The following ONECUT3 variants were observed in gnomAD, a reference collection of about 807,000 sequenced individuals.
ONECUT3 encodes the protein one cut homeobox 3.
A neutral mutation model predicts 16.8 loss-of-function variants in ONECUT3; 11 were observed. The ratio of observed to expected loss-of-function variants is 0.66; its 90% CI spans 0.41 to 1.09. The LOEUF (loss-of-function observed/expected upper bound fraction) is 1.09, where lower values mean the gene tolerates loss of function less well. ONECUT3 is among the 50% of genes least tolerant of loss of function. The probability of loss-of-function intolerance (pLI) is 0.00; values close to 1 mark genes in which losing one functional copy is unlikely to be tolerated. For synonymous variants in ONECUT3, 344 were observed against 310.7 expected, an observed-to-expected ratio of 1.11 and a Z score of -1.13; for missense variants, 637 against 629.9, an observed-to-expected ratio of 1.01 and a Z score of -0.12.
Position 1,775,415 on chromosome 19 carries a change from C to A in ONECUT3, c.1455C>A (p.Ala485=), listed in dbSNP as rs780064574. Residue 485 remains alanine (A), a synonymous_variant, in exon 2 of 2, where the codon GCC becomes GCA. Transcript: ENST00000382349. ...CCAGCACGGCCCCCGGGGGCCCCGC[C>A]GGCGCCACGGCCACTTTCTCCAAGG... ...EEPSTAPGGP[A]GATATFSKA The A allele has an allele frequency of 7.2e-6, 11 of 1,527,076 alleles. No individual in the cohort carries two copies. Among genetic ancestry groups the A allele is most frequent in the Non-Finnish European group, 9.7e-6 (11 of 1,138,914 alleles). 94.6% of individuals were successfully genotyped at this position (1,527,076 alleles called of 1,614,324 possible). A position where few individuals can be genotyped will look rare whatever the true frequency, so the allele number is the denominator to read the frequency against.
intron 1 of ONECUT3, among the ~76,000 whole-genome samples, chr19:1,774,396 C>A (rs570974041): frequency 2.7e-5 from 4 of 145,634 alleles, no homozygotes; most frequent in Non-Finnish European, 4.5e-5. Context: ...GCCTGGGCAA[C>A]ATAGCAAGAC....
rs2068134193 is a variant in ONECUT3 at position 1,778,913 on chromosome 19, C to CACACACACACACACACACA, written c.*3468_*3469insACACACACACACACACACA. 1 of 149,208 alleles carries CACACACACACACACACACA rather than the reference C, an allele frequency of 6.7e-6. No individual in the cohort carries two copies. Among genetic ancestry groups the CACACACACACACACACACA allele is most frequent in the African/African-American group, 2.5e-5 (1 of 39,676 alleles). The allele number at this position is 149,208 out of a possible 1,614,324, so 9.2% of individuals were successfully genotyped here. A position where few individuals can be genotyped will look rare whatever the true frequency, so the allele number is the denominator to read the frequency against. On this transcript the variant is annotated 3_prime_UTR_variant, in exon 2 of 2. Transcript: ENST00000382349. ...ACACACACACACACACACACACACA[C>CACACACACACACACACACA]CCCTACCTGTTTCCGGACCCCACCC...
Position 1,754,890 on chromosome 19 carries a change from C to A in ONECUT3, c.1192+36C>A, listed in dbSNP as rs910639360. 4 of 1,360,602 alleles carry A rather than the reference C, an allele frequency of 2.9e-6. No homozygotes were observed. In the African/African-American group the frequency reaches 6.0e-5, roughly 21 times the overall value. 84.3% of individuals were successfully genotyped at this position (1,360,602 alleles called of 1,614,324 possible). ...GGCGCGCAGGGCCAGACCCTGGGGG[C>A]GCCGGCTCTGGACTCCCGAGCACCT... is the stretch of plus-strand genomic sequence containing the variant. On this transcript the variant is annotated intron_variant, in intron 1 of 1. Transcript: ENST00000382349. This position sits in a 1 kb window ranked among gnomAD's most constrained non-coding sequence, Gnocchi z 7.4.
chr19:1,755,368 C>G lies in ONECUT3; in HGVS notation c.1192+514C>G, dbSNP rs1026603965. ...GCGGCGGGCGCCTGCAGCTCAGCAG[C>G]AGAGGCCGAGCCCGCGCTCATCCCC... is the stretch of plus-strand genomic sequence containing the variant. On this transcript the variant is annotated intron_variant, in intron 1 of 1. Transcript: ENST00000382349. The surrounding 1 kb of genome is among the most constrained non-coding windows in gnomAD (Gnocchi z 7.5). Among the ~76,000 whole-genome samples the G allele has an allele frequency of 1.3e-5, 2 of 152,102 alleles. No individual in the cohort carries two copies. The highest frequency in any genetic ancestry group is 6.5e-5 in the Admixed American group (1 of 15,286).
chr19:1,780,418 G>A lies in ONECUT3; in HGVS notation c.*4973G>A, dbSNP rs1008880632. The A allele has an allele frequency of 1.3e-5, 2 of 152,300 alleles. No homozygotes were observed. The highest frequency in any genetic ancestry group is 2.9e-5 in the Non-Finnish European group (2 of 68,108). 9.4% of individuals were successfully genotyped at this position (152,300 alleles called of 1,614,324 possible). ...CACGTCCCTGAGCCATCCCCAGATA[G>A]TCCCTGGAGGTGGAAAGGGGCACAG... On this transcript the variant is annotated 3_prime_UTR_variant, in exon 2 of 2. Coordinates refer to ENST00000382349, the MANE Select transcript of ONECUT3 (RefSeq NM_001080488.2).
In ONECUT3 at chr19:1,777,602, G is replaced by A. The variant is rs2068122154; in HGVS notation, c.*2157G>A. 1 of 152,176 alleles carries A rather than the reference G, an allele frequency of 6.6e-6. No homozygotes were observed. The highest frequency in any genetic ancestry group is 2.1e-4 in the South Asian group (1 of 4,830). The allele number at this position is 152,176 out of a possible 1,614,324, so 9.4% of individuals were successfully genotyped here. On this transcript the variant is annotated 3_prime_UTR_variant, in exon 2 of 2. Coordinates refer to ENST00000382349, the MANE Select transcript of ONECUT3 (RefSeq NM_001080488.2). Reference sequence around the variant, plus strand: ...CTCCCGTCCCCACCCCTAAATTCCTGATGGATGAACCTAGAGCTGTCCTGT... The same window carrying A: ...CTCCCGTCCCCACCCCTAAATTCCTAATGGATGAACCTAGAGCTGTCCTGT...
rs1279652319 is a variant in ONECUT3, at chr19:1,754,945, G to A, written c.1192+91G>A. On this transcript the variant is annotated intron_variant, in intron 1 of 1. Coordinates refer to ENST00000382349, the MANE Select transcript of ONECUT3 (RefSeq NM_001080488.2). The surrounding 1 kb of genome is among the most constrained non-coding windows in gnomAD (Gnocchi z 7.4). Reference sequence around the variant, plus strand: ...GGGCGGCGGCCGATGCCCGGGGCCAGCGCCCCAAGCCCCGCCCGTGCGCCC... The same window carrying A: ...GGGCGGCGGCCGATGCCCGGGGCCAACGCCCCAAGCCCCGCCCGTGCGCCC... 7.8e-7 allele frequency: 1 copy of A among 1,281,798 alleles called. No individual in the cohort carries two copies. Among genetic ancestry groups the A allele is most frequent in the South Asian group, 2.3e-5 (1 of 43,678 alleles). 79.4% of individuals were successfully genotyped at this position (1,281,798 alleles called of 1,614,324 possible).
In ONECUT3 at chr19:1,778,966, C is replaced by A; in HGVS notation, c.*3521C>A. The A allele has an allele frequency of 6.6e-6, 1 of 152,384 alleles. No homozygotes were observed. The highest frequency in any genetic ancestry group is 1.5e-5 in the Non-Finnish European group (1 of 68,462). The allele number at this position is 152,384 out of a possible 1,614,324, so 9.4% of individuals were successfully genotyped here. A position where few individuals can be genotyped will look rare whatever the true frequency, so the allele number is the denominator to read the frequency against. The stretch of plus-strand genomic sequence containing the variant: ...AACTTGGCCAGACCCCCACAGAAGG[C>A]TCTATCCCCGACCTGCCCGCCGGCC... On this transcript the variant is annotated 3_prime_UTR_variant, in exon 2 of 2. Coordinates refer to ENST00000382349, the MANE Select transcript of ONECUT3 (RefSeq NM_001080488.2).
chr19:1,769,650 T>C (rs10409901), intron 1 of ONECUT3, among the ~76,000 whole-genome samples: 48,414 of 150,642 alleles, frequency 0.32, 9,351 homozygotes, highest in African/African-American at 0.54. Flanking sequence ...GGGTAGGGGA[T>C]GCACAGAGGG....
intron 1 of ONECUT3, among the ~76,000 whole-genome samples, chr19:1,768,900 A>T (rs866740664): frequency 3.7e-5 from 4 of 107,488 alleles, no homozygotes; most frequent in Admixed American, 8.8e-5. Context: ...GTGGAGGTGG[A>T]GGTGGTGGAG....
intron 1 of ONECUT3, among the ~76,000 whole-genome samples, chr19:1,773,867 G>T (rs536950496): frequency 6.6e-6 from 1 of 152,302 alleles, no homozygotes; most frequent in East Asian, 1.9e-4. Context: ...TGAGGGGAGG[G>T]GTTCACTTCG....
In ONECUT3 at chr19:1,753,839, C is replaced by A. The variant is rs2067901313; in HGVS notation, c.177C>A (p.Gly59=). The change falls in exon 1 of 2, where the codon GGC becomes GGA. Residue 59 remains glycine, a synonymous_variant. Coordinates refer to ENST00000382349, the MANE Select transcript of ONECUT3 (RefSeq NM_001080488.2). The part of the protein sequence containing the change: ...GMASLLDGGG[G]GGGGGAGGAG... ...CGAGCCTGCTGGACGGCGGCGGCGG[C>A]GGCGGCGGTGGGGGCGCCGGGGGCG... The A allele has an allele frequency of 2.1e-6, 2 of 968,770 alleles. No homozygotes were observed. The highest frequency in any genetic ancestry group is 2.4e-6 in the Non-Finnish European group (2 of 818,498). The allele number at this position is 968,770 out of a possible 1,614,324, so 60.0% of individuals were successfully genotyped here.
intron 1 of ONECUT3, among the ~76,000 whole-genome samples, chr19:1,769,097 G>C (rs368488789): frequency 6.7e-6 from 1 of 150,132 alleles, no homozygotes; most frequent in African/African-American, 2.5e-5. Flanking sequence ...GGAGGTGATG[G>C]AGGAGGAGAT....
At chr19:1,775,118 T>TCCCGCCCGCCCG in intron 1 of ONECUT3, 35 bp from the exon 2 acceptor site, 1 of 1,184,852 alleles carries the variant, frequency 8.4e-7, no homozygotes, top group Non-Finnish European at 1.2e-6. Flanking sequence ...TGGCGCTGTG[T>TCCCGCCCGCCCG]CCCGCTCGCC....
At chr19:1,760,747 T>C (rs1471689730) in intron 1 of ONECUT3, among the ~76,000 whole-genome samples, 3 of 151,812 alleles carry the variant, frequency 2.0e-5, no homozygotes, top group Admixed American at 2.0e-4. Flanking sequence ...GACCTCCCCC[T>C]CCCAACGCCA....
chr19:1,765,488 G>C (rs1454565342), intron 1 of ONECUT3, among the ~76,000 whole-genome samples: 1 of 152,176 alleles, frequency 6.6e-6, no homozygotes, highest in Non-Finnish European at 1.5e-5. Context: ...ACTCAGAGCG[G>C]AGCTGGCCTC....
chr19:1,773,022 C>T (rs1048650260), intron 1 of ONECUT3, among the ~76,000 whole-genome samples: 2 of 152,048 alleles, frequency 1.3e-5, no homozygotes, highest in African/African-American at 4.8e-5. Context: ...TTAACTTTAT[C>T]TTCCAGTCCT....
chr19:1,774,933 G>C (rs1469300337), intron 1 of ONECUT3, among the ~76,000 whole-genome samples: 1 of 151,686 alleles, frequency 6.6e-6, no homozygotes, highest in Non-Finnish European at 1.5e-5. Context: ...CTCTGTCTCT[G>C]TGCGTCCCTG....
intron 1 of ONECUT3, among the ~76,000 whole-genome samples, chr19:1,757,700 C>T (rs888716304): frequency 6.6e-6 from 1 of 152,236 alleles, no homozygotes; most frequent in Non-Finnish European, 1.5e-5. Context: ...GGGCGAGGGC[C>T]GCGGGGTCAC....
Sources: allele counts gnomAD v4.1 joint callset (sites outside exome capture counted in the v4.1 genomes callset), GRCh38; gene constraint gnomAD v4.1.1; non-coding constraint Gnocchi (gnomAD v3.1); transcripts MANE v1.5; gene names NCBI Gene and HGNC (gene_info 2026-07-23, HGNC 2026-07-21).